Variants in ST6GAL1 observed in about 807,000 individuals in gnomAD.
ST6GAL1 encodes beta-galactoside alpha-2,6-sialyltransferase 1.
A neutral mutation model predicts 38.0 loss-of-function variants in ST6GAL1; 20 were observed. The observed-to-expected ratio is 0.53, with a 90% CI of 0.37 to 0.77. The LOEUF (loss-of-function observed/expected upper bound fraction) is 0.77. Among genes scored for constraint, ST6GAL1 ranks in the 30% least tolerant of loss-of-function variants. The probability of loss-of-function intolerance (pLI) is 0.00; values close to 1 mark genes in which losing one functional copy is unlikely to be tolerated. For synonymous variants in ST6GAL1, 196 were observed against 188.2 expected (o/e 1.04, Z -0.34); for missense variants, 432 against 496.4 (o/e 0.87, Z 1.23).
At position 187,041,192 on chromosome 3, in the gene ST6GAL1, A is replaced by G. The variant is rs563686732; in HGVS notation, c.-50-1462A>G. ...CTGCAAATCACATAGGGCAGAGATA[A>G]TTATTCTGAAAAACTCAGGGGCAGA... On this transcript the variant is annotated intron_variant, in intron 3 of 7. Transcript: ENST00000169298. Among the ~76,000 whole-genome samples the G allele has an allele frequency of 1.3e-4, 20 of 152,306 alleles. No homozygotes were observed. In the South Asian group the frequency reaches 4.1e-3, roughly 32 times the overall value.
At chr3:186,999,411 CTCT>C (rs1427731796) in intron 2 of ST6GAL1, among the ~76,000 whole-genome samples, 28 of 87,332 alleles carry the variant, frequency 3.2e-4, no homozygotes, top group Non-Finnish European at 6.1e-4. Flanking sequence ...CTACTATAAT[CTCT>C]TTTTTTTTTT....
intron 4 of ST6GAL1, among the ~76,000 whole-genome samples, chr3:187,046,466 A>G (rs1189343499): frequency 6.6e-6 from 1 of 152,244 alleles, no homozygotes; most frequent in Non-Finnish European, 1.5e-5. Flanking sequence ...TCAAGGTGAG[A>G]TAATGGTTAT....
In ST6GAL1 at chr3:187,077,852, G is replaced by C. The variant is rs1801380; in HGVS notation, c.*2049G>C. The C allele has an allele frequency of 6.6e-6, 1 of 152,304 alleles. No individual in the cohort carries two copies. The highest frequency in any genetic ancestry group is 1.5e-5 in the Non-Finnish European group (1 of 68,086). The allele number at this position is 152,304 out of a possible 1,614,324, so 9.4% of individuals were successfully genotyped here. A position where few individuals can be genotyped will look rare whatever the true frequency, so the allele number is the denominator to read the frequency against. ...ACTGTCTTATTGGGAGACAACAACT[G>C]TCCTCCTTGGAACACCCAAGAAACC... On this transcript the variant is annotated 3_prime_UTR_variant, in exon 8 of 8. Coordinates refer to ENST00000169298, the MANE Select transcript of ST6GAL1 (RefSeq NM_173216.2).
At position 187,051,442 on chromosome 3, in the gene ST6GAL1, A is replaced by G. The variant is rs1182447221; in HGVS notation, c.705+96A>G. 6.3e-6 allele frequency: 7 copies of G among 1,111,630 alleles called. No individual in the cohort carries two copies. The African/African-American group carries it at 7.7e-5, about 12-fold the overall frequency. The allele number at this position is 1,111,630 out of a possible 1,614,324, so 68.9% of individuals were successfully genotyped here. A position where few individuals can be genotyped will look rare whatever the true frequency, so the allele number is the denominator to read the frequency against. On this transcript the variant is annotated intron_variant, in intron 5 of 7. Coordinates refer to ENST00000169298, the MANE Select transcript of ST6GAL1 (RefSeq NM_173216.2). Reference sequence around the variant, plus strand: ...TACTGGGAGCATATCTAGGCTGCCAATTAAGTCTCTTGATCTTCCTGAGTT... The same window carrying G: ...TACTGGGAGCATATCTAGGCTGCCAGTTAAGTCTCTTGATCTTCCTGAGTT...
intron 2 of ST6GAL1, among the ~76,000 whole-genome samples, chr3:187,029,928 A>C (rs941164021): frequency 6.6e-6 from 1 of 152,150 alleles, no homozygotes; most frequent in Non-Finnish European, 1.5e-5. Flanking sequence ...TACTAGTTGG[A>C]ATAGGCTGCA....
chr3:187,053,990 A>G (rs1718603291), intron 5 of ST6GAL1, among the ~76,000 whole-genome samples: 1 of 152,006 alleles, frequency 6.6e-6, no homozygotes, highest in African/African-American at 2.4e-5. Context: ...AGTGGTTTGT[A>G]GTTCTTGTTG....
chr3:187,061,051 T>G (rs1718899430), intron 5 of ST6GAL1, among the ~76,000 whole-genome samples: 2 of 152,192 alleles, frequency 1.3e-5, no homozygotes, highest in South Asian at 2.1e-4. Flanking sequence ...CAAAAAATAT[T>G]CATTTTTTCT....
At chr3:186,938,335 C>A (rs1714037210) in intron 1 of ST6GAL1, among the ~76,000 whole-genome samples, 1 of 152,204 alleles carries the variant, frequency 6.6e-6, no homozygotes, top group African/African-American at 2.4e-5. Context: ...CCTATGTAGA[C>A]TTGGACAAGC....
rs529088915 is a variant in ST6GAL1, at chr3:186,959,025, C to T, written c.-324-4760C>T. ...AAATAAGTTAAAAAGGGCTCAGTGT[C>T]TCCCCCTGTATCCAGATTGGCACCT... On this transcript the variant is annotated intron_variant, in intron 1 of 7. Transcript: ENST00000169298. 4.6e-5 allele frequency among the ~76,000 whole-genome samples: 7 copies of T among 151,838 alleles called. No homozygotes were observed. The South Asian group carries it at 1.5e-3, about 32-fold the overall frequency.
chr3:186,968,052 C>A (rs1188679546), intron 2 of ST6GAL1, among the ~76,000 whole-genome samples: 3 of 152,176 alleles, frequency 2.0e-5, no homozygotes, highest in African/African-American at 7.2e-5. Flanking sequence ...TCATTTGGAG[C>A]CTTCTTTGAG....
chr3:187,003,628 A>G (rs1199515887), intron 2 of ST6GAL1, among the ~76,000 whole-genome samples: 1 of 152,194 alleles, frequency 6.6e-6, no homozygotes, highest in East Asian at 1.9e-4. Flanking sequence ...TTGGCATTGG[A>G]TACTTTGCTA....
chr3:186,978,943 A>G (rs987043465), intron 2 of ST6GAL1, among the ~76,000 whole-genome samples: 1 of 151,734 alleles, frequency 6.6e-6, no homozygotes, highest in African/African-American at 2.4e-5. Flanking sequence ...TTCAAAACCC[A>G]GGATGAACTT....
intron 1 of ST6GAL1, among the ~76,000 whole-genome samples, chr3:186,951,802 T>C (rs1184647259): frequency 6.6e-6 from 1 of 152,198 alleles, no homozygotes; most frequent in Non-Finnish European, 1.5e-5. Context: ...CAGGGTGGTT[T>C]ATAAACAAAA....
rs756391974 is a variant in ST6GAL1, at chr3:187,075,584, G to T, written c.1002G>T (p.Leu334=). The T allele has an allele frequency of 6.2e-7, 1 of 1,614,076 alleles. No individual in the cohort carries two copies. The highest frequency in any genetic ancestry group is 8.5e-7 in the Non-Finnish European group (1 of 1,180,040). The change falls in exon 8 of 8, where the codon CTG becomes CTT. Residue 334 remains leucine, a synonymous_variant. Transcript: ENST00000169298. This position sits in a 1 kb window ranked among gnomAD's most constrained non-coding sequence, Gnocchi z 4.1. Reference sequence around the variant, plus strand: ...CAGGTATCATCATCATGATGACGCTGTGTGACCAGGTGGATATTTATGAGT... The same window carrying T: ...CAGGTATCATCATCATGATGACGCTTTGTGACCAGGTGGATATTTATGAGT... The part of the protein sequence containing the change: ...GMLGIIIMMT[L]CDQVDIYEFL...
rs1560176588 is a variant in ST6GAL1, at chr3:187,050,402, CA to C, written c.608-845del. 2.0e-5 allele frequency among the ~76,000 whole-genome samples: 3 copies of C among 152,172 alleles called. No individual in the cohort carries two copies. The South Asian group carries it at 6.2e-4, about 32-fold the overall frequency. On this transcript the variant is annotated intron_variant, in intron 4 of 7. Coordinates refer to ENST00000169298, the MANE Select transcript of ST6GAL1 (RefSeq NM_173216.2). ...TCAACGTGGGGTAGAGAAACTTTTC[CA>C]AGTCTTCCAAACACTGCTTAAACAG...
intron 2 of ST6GAL1, among the ~76,000 whole-genome samples, chr3:186,987,288 G>GT (rs925984915): frequency 6.6e-6 from 1 of 152,128 alleles, no homozygotes; most frequent in Non-Finnish European, 1.5e-5. Flanking sequence ...CCTAAGGTTA[G>GT]TAAGTATCTT....
At chr3:186,964,484 C>A (rs1308552751) in intron 2 of ST6GAL1, 1 of 152,128 alleles carries the variant, frequency 6.6e-6, no homozygotes, top group East Asian at 1.9e-4. Context: ...GAAGAAAATA[C>A]AATATATCTG....
At chr3:187,040,022 G>C (rs2268533) in intron 3 of ST6GAL1, among the ~76,000 whole-genome samples, 57,930 of 152,116 alleles carry the variant, frequency 0.38, 11,928 homozygotes, top group African/African-American at 0.52. Flanking sequence ...GGCAGCTGCT[G>C]CCTGAGCCTC....
rs1719581904 is a variant in ST6GAL1, at chr3:187,076,931, T to C, written c.*1128T>C. ...CTGGGTTTACATACCAGTCCCATTC[T>C]TCCTTTTCAATACCTACCCCCAAAT... On this transcript the variant is annotated 3_prime_UTR_variant, in exon 8 of 8. Transcript: ENST00000169298. 5.0e-6 allele frequency: 2 copies of C among 398,502 alleles called. No homozygotes were observed. The highest frequency in any genetic ancestry group is 1.3e-4 in the South Asian group (1 of 7,846). 24.7% of individuals were successfully genotyped at this position (398,502 alleles called of 1,614,324 possible).
Sources: gnomAD v4.1 joint callset for allele counts (sites outside exome capture counted in the v4.1 genomes callset) on GRCh38, gnomAD v4.1.1 for gene constraint, Gnocchi (gnomAD v3.1) non-coding constraint, MANE v1.5 for transcripts, NCBI Gene and HGNC (gene_info 2026-07-23, HGNC 2026-07-21) for gene names.